Variants in LHPP observed in about 807,000 individuals in gnomAD.
The protein encoded by LHPP is phospholysine phosphohistidine inorganic pyrophosphate phosphatase.
LHPP carries 24 observed loss-of-function variants against 30.3 expected under a neutral mutation model. That is an observed-to-expected ratio of 0.79 (90% CI 0.57 to 1.11). LHPP has a LOEUF of 1.11. LHPP is among the 50% of genes most tolerant of loss of function. The pLI is 0.00. For synonymous variants in LHPP, 150 were observed against 157.1 expected, an observed-to-expected ratio of 0.95 and a Z score of 0.34; for missense variants, 356 against 367.2, an observed-to-expected ratio of 0.97 and a Z score of 0.25.
chr10:124,486,849 G>A (rs570379137), intron 2 of LHPP, among the ~76,000 whole-genome samples: 1 of 152,186 alleles, frequency 6.6e-6, no homozygotes, highest in African/African-American at 2.4e-5. Flanking sequence ...CCGAGGCCTT[G>A]AGCATACAAA....
intron 1 of LHPP, among the ~76,000 whole-genome samples, chr10:124,472,787 A>AT (rs1564769773): frequency 6.6e-6 from 1 of 151,978 alleles, no homozygotes; most frequent in Admixed American, 6.6e-5. Flanking sequence ...TGAACTCCTG[A>AT]CCTCAGGTGA....
intron 6 of LHPP, among the ~76,000 whole-genome samples, chr10:124,551,881 G>A (rs891861341): frequency 2.6e-5 from 4 of 152,000 alleles, no homozygotes; most frequent in East Asian, 1.9e-4. Context: ...CAGGATGTCC[G>A]CAGGCCCCCG....
At chr10:124,604,699 C>T (rs113188148) in intron 6 of LHPP, among the ~76,000 whole-genome samples, 2,092 of 152,344 alleles carry the variant, frequency 0.014, 75 homozygotes, top group Admixed American at 0.072. Flanking sequence ...GCAAGTCTGT[C>T]GGCACAGCCG....
intron 1 of LHPP, among the ~76,000 whole-genome samples, chr10:124,472,365 T>G (rs989150246): frequency 3.3e-5 from 5 of 152,166 alleles, no homozygotes; most frequent in Non-Finnish European, 5.9e-5. Flanking sequence ...GTTTATATGC[T>G]TAGAAGTTTA....
intron 2 of LHPP, among the ~76,000 whole-genome samples, chr10:124,485,181 C>A (rs1248563348): frequency 6.6e-6 from 1 of 151,984 alleles, no homozygotes; most frequent in Non-Finnish European, 1.5e-5. Flanking sequence ...ACAGGCCTGG[C>A]CTTTAGAAAT....
intron 6 of LHPP, among the ~76,000 whole-genome samples, chr10:124,599,748 C>T (rs1036034768): frequency 3.3e-5 from 5 of 152,242 alleles, no homozygotes; most frequent in Admixed American, 1.3e-4. Context: ...TGGGGCCTGA[C>T]TTGGAGTGCC....
rs199736945 is a variant in LHPP, at chr10:124,495,242, CG to C, written c.468-1718del. Among the ~76,000 whole-genome samples the C allele has an allele frequency of 6.1e-3, 929 of 152,208 alleles. 19 individuals carry two copies. Among genetic ancestry groups the C allele is most frequent in the African/African-American group, 0.022 (901 of 41,512 alleles). On this transcript the variant is annotated intron_variant, in intron 3 of 6. Transcript: ENST00000368842. ...TCCCAGCCAGCCTGTATCCCTGTGC[CG>C]TGACCCCAGAGCACAGAGCCTCAGA...
At chr10:124,575,427 A>C (rs557436977) in intron 6 of LHPP, among the ~76,000 whole-genome samples, 1 of 152,120 alleles carries the variant, frequency 6.6e-6, no homozygotes, top group Non-Finnish European at 1.5e-5. Flanking sequence ...ATTTACTTGG[A>C]GAAGCCCTCT....
intron 6 of LHPP, among the ~76,000 whole-genome samples, chr10:124,594,423 G>A (rs1471088709): frequency 6.6e-6 from 1 of 150,810 alleles, no homozygotes; most frequent in Admixed American, 6.6e-5. Context: ...ATTTCCTCCA[G>A]TTTCCTGCCA....
In LHPP at chr10:124,581,475, A is replaced by C. The variant is rs73373285; in HGVS notation, c.717-31789A>C. On this transcript the variant is annotated intron_variant, in intron 6 of 6. Coordinates refer to ENST00000368842, the MANE Select transcript of LHPP (RefSeq NM_022126.4). ...ATTTTTAATCACTTGAGGAATTGCC[A>C]GACTATTCAAAAGCAGCTGCACCAT... Among the ~76,000 whole-genome samples, 303 of 152,342 alleles carry C rather than the reference A, an allele frequency of 2.0e-3. 1 individual carries two copies. Among genetic ancestry groups the C allele is most frequent in the African/African-American group, 7.0e-3 (293 of 41,582 alleles).
chr10:124,498,712 T>G, intron 5 of LHPP: 1 of 462,370 alleles, frequency 2.2e-6, no homozygotes, highest in Non-Finnish European at 4.1e-6. Flanking sequence ...TCACCCTGGC[T>G]AGAGTGCAGT....
chr10:124,606,667 G>A (rs1250954432), intron 6 of LHPP, among the ~76,000 whole-genome samples: 1 of 152,268 alleles, frequency 6.6e-6, no homozygotes, highest in African/African-American at 2.4e-5. Context: ...CCGGCCCTGG[G>A]CCATGCACTT....
intron 5 of LHPP, among the ~76,000 whole-genome samples, chr10:124,502,666 C>G (rs1465453106): frequency 7.5e-5 from 10 of 132,816 alleles, no homozygotes; most frequent in South Asian, 4.8e-4. Flanking sequence ...CCACGCCCAG[C>G]CTTTTTTTTT....
intron 6 of LHPP, among the ~76,000 whole-genome samples, chr10:124,548,640 C>T (rs1024146999): frequency 2.0e-5 from 3 of 152,188 alleles, no homozygotes; most frequent in Admixed American, 6.5e-5. Context: ...GGAGGTGATG[C>T]TGCTCACTGA....
intron 6 of LHPP, among the ~76,000 whole-genome samples, chr10:124,569,164 G>A (rs1341592925): frequency 6.6e-6 from 1 of 152,234 alleles, no homozygotes; most frequent in Non-Finnish European, 1.5e-5. Context: ...ATCAGGAATG[G>A]CTGTCTTTCT....
chr10:124,586,129 G>C (rs1292574143), intron 6 of LHPP, among the ~76,000 whole-genome samples: 1 of 152,190 alleles, frequency 6.6e-6, no homozygotes, highest in Admixed American at 6.5e-5. Context: ...ATTTTTCTTA[G>C]GCTGGTTCAA....
At chr10:124,473,943 G>A (rs1406437427) in intron 1 of LHPP, among the ~76,000 whole-genome samples, 1 of 151,794 alleles carries the variant, frequency 6.6e-6, no homozygotes, top group Non-Finnish European at 1.5e-5. Flanking sequence ...AGCGAGACTC[G>A]GTCTCAAAAA....
At chr10:124,505,185 C>T (rs745568517) in intron 5 of LHPP, among the ~76,000 whole-genome samples, 15 of 152,094 alleles carry the variant, frequency 9.9e-5, no homozygotes, top group East Asian at 1.9e-4. Context: ...TGCTCACTAA[C>T]GTTATTTGAC....
chr10:124,591,441 G>C (rs1948881319), intron 6 of LHPP, among the ~76,000 whole-genome samples: 1 of 152,000 alleles, frequency 6.6e-6, no homozygotes, highest in Non-Finnish European at 1.5e-5. Context: ...CCTACCCCTG[G>C]GCTGTCCCCC....
Sources: gnomAD v4.1 joint callset for allele counts (sites outside exome capture counted in the v4.1 genomes callset) on GRCh38, gnomAD v4.1.1 for gene constraint, MANE v1.5 for transcripts, NCBI Gene and HGNC (gene_info 2026-07-23, HGNC 2026-07-21) for gene names.